SEMA5A: variants seen among roughly 807,000 people sequenced by gnomAD.
SEMA5A encodes semaphorin 5A, also known as semaphorin-5A.
In SEMA5A, 55 loss-of-function variants were observed where a neutral mutation model predicts 135.5. That is an observed-to-expected ratio of 0.41 (90% CI 0.33 to 0.51). SEMA5A has a LOEUF of 0.51. Ranked by LOEUF, SEMA5A falls within the 20% of genes least tolerant of loss-of-function variation. The probability of loss-of-function intolerance (pLI) is 0.37; values close to 1 mark genes in which losing one functional copy is unlikely to be tolerated. For synonymous variants in SEMA5A, 580 were observed against 546.5 expected (o/e 1.06, Z -0.85); for missense variants, 1,290 against 1,419.9 (o/e 0.91, Z 1.47).
At chr5:9,401,444 G>A (rs570547412) in intron 2 of SEMA5A, among the ~76,000 whole-genome samples, 1 of 152,216 alleles carries the variant, frequency 6.6e-6, no homozygotes, top group African/African-American at 2.4e-5. Context: ...GGCCATATGT[G>A]CCACCTCGTA....
chr5:9,076,137 G>A (rs975242779), intron 16 of SEMA5A, among the ~76,000 whole-genome samples: 4 of 150,500 alleles, frequency 2.7e-5, no homozygotes, highest in African/African-American at 9.8e-5. Flanking sequence ...CCCGGGAAGC[G>A]GAGATTGCAG....
intron 12 of SEMA5A, among the ~76,000 whole-genome samples, chr5:9,138,653 A>G (rs1741895337): frequency 1.3e-5 from 2 of 152,068 alleles, no homozygotes; most frequent in Non-Finnish European, 2.9e-5. Context: ...GTTTGGTTAC[A>G]TGAGTACTTT....
At chr5:9,440,189 T>C (rs1191705003) in intron 1 of SEMA5A, among the ~76,000 whole-genome samples, 2 of 152,180 alleles carry the variant, frequency 1.3e-5, no homozygotes, top group African/African-American at 4.8e-5. Flanking sequence ...TTCTTGCAGG[T>C]CCAGAAGCAG....
chr5:9,495,331 C>G (rs1190452839), intron 1 of SEMA5A, among the ~76,000 whole-genome samples: 1 of 152,074 alleles, frequency 6.6e-6, no homozygotes, highest in Non-Finnish European at 1.5e-5. Flanking sequence ...TACCGTGAAG[C>G]CCACTCAAGG....
At chr5:9,492,881 G>A (rs1735095777) in intron 1 of SEMA5A, among the ~76,000 whole-genome samples, 1 of 152,162 alleles carries the variant, frequency 6.6e-6, no homozygotes, top group Non-Finnish European at 1.5e-5. Context: ...GGATGAACAG[G>A]AGAGCACAGG....
rs144103750 is a variant in SEMA5A, at chr5:9,500,091, T to G, written c.-175+45493A>C. On this transcript the variant is annotated intron_variant, in intron 1 of 22. Transcript: ENST00000382496. ...CACCCTACAGCGCAACATATGCAAT[T>G]AAGAAGAAATGGCTATGCAACTTTT... Among the ~76,000 whole-genome samples, 63 of 152,350 alleles carry G rather than the reference T, an allele frequency of 4.1e-4. 1 individual carries two copies. In the East Asian group the frequency reaches 0.011, roughly 26 times the overall value.
chr5:9,161,712 A>G (rs906638717), intron 11 of SEMA5A, among the ~76,000 whole-genome samples: 2 of 152,202 alleles, frequency 1.3e-5, no homozygotes, highest in African/African-American at 4.8e-5. Context: ...GCTACACGCA[A>G]ACAAGAGACA....
intron 2 of SEMA5A, among the ~76,000 whole-genome samples, chr5:9,389,062 A>G (rs1756032393): frequency 6.6e-6 from 1 of 152,168 alleles, no homozygotes; most frequent in African/African-American, 2.4e-5. Context: ...AACATCACTG[A>G]TTACTTCCTG....
chr5:9,376,387 T>C (rs1755364514), intron 3 of SEMA5A, among the ~76,000 whole-genome samples: 2 of 152,198 alleles, frequency 1.3e-5, no homozygotes, highest in South Asian at 4.1e-4. Context: ...ACCTCTCCTT[T>C]CATAAGTTTT....
intron 5 of SEMA5A, among the ~76,000 whole-genome samples, chr5:9,279,265 T>C (rs1417185289): frequency 6.6e-6 from 1 of 152,244 alleles, no homozygotes; most frequent in South Asian, 2.1e-4. Context: ...TGCTGGGTTT[T>C]GGACTTGCAT....
intron 8 of SEMA5A, among the ~76,000 whole-genome samples, chr5:9,209,748 A>T (rs1219448388): frequency 6.6e-6 from 1 of 152,246 alleles, no homozygotes; most frequent in African/African-American, 2.4e-5. Context: ...TGTGGCAGTG[A>T]GTGAACAAAT....
At position 9,441,462 on chromosome 5, in the gene SEMA5A, G is replaced by T. The variant is rs544762640; in HGVS notation, c.-174-3610C>A. Among the ~76,000 whole-genome samples the T allele has an allele frequency of 6.6e-5, 10 of 152,258 alleles. No individual in the cohort carries two copies. In the South Asian group the frequency reaches 2.1e-3, roughly 32 times the overall value. ...TACGCCAGCACCATGGTGAGTTAAA[G>T]CATGAGTTCCTGGTACCATCCCTGG... On this transcript the variant is annotated intron_variant, in intron 1 of 22. Coordinates refer to ENST00000382496, the MANE Select transcript of SEMA5A (RefSeq NM_003966.3).
chr5:9,040,949 C>T lies in SEMA5A; in HGVS notation c.*1948G>A, dbSNP rs1007051661. The T allele has an allele frequency of 7.2e-5, 11 of 152,078 alleles. No individual in the cohort carries two copies. The highest frequency in any genetic ancestry group is 1.4e-4 in the African/African-American group (6 of 41,408). The allele number at this position is 152,078 out of a possible 1,614,324, so 9.4% of individuals were successfully genotyped here. ...AAATATCTGATGATGAAAATCCAGCCGAGGAACAATTGGAGAACCATCCGG... is the reference window on the plus strand; with the variant it reads ...AAATATCTGATGATGAAAATCCAGCTGAGGAACAATTGGAGAACCATCCGG... On this transcript the variant is annotated 3_prime_UTR_variant, in exon 23 of 23. Coordinates refer to ENST00000382496, the MANE Select transcript of SEMA5A (RefSeq NM_003966.3).
At chr5:9,238,785 A>T (rs1748049296) in intron 5 of SEMA5A, among the ~76,000 whole-genome samples, 1 of 151,984 alleles carries the variant, frequency 6.6e-6, no homozygotes. Context: ...ACCTGTTATC[A>T]GAATTATTAT....
At chr5:9,207,686 T>G (rs1317022997) in intron 8 of SEMA5A, among the ~76,000 whole-genome samples, 3 of 152,204 alleles carry the variant, frequency 2.0e-5, no homozygotes, top group Admixed American at 2.0e-4. Context: ...TCACAGTTTA[T>G]GTAGATAAAA....
chr5:9,038,116 G>A lies in SEMA5A; in HGVS notation c.*4781C>T, dbSNP rs1417103508. On this transcript the variant is annotated 3_prime_UTR_variant, in exon 23 of 23. Transcript: ENST00000382496. ...TTCCCCAAGTGCATCAGGAAGTGAT[G>A]AAGAAGTTAGGATGAACAAATGGGC... is the stretch of plus-strand genomic sequence containing the variant. 1 of 152,238 alleles carries A rather than the reference G, an allele frequency of 6.6e-6. No individual in the cohort carries two copies. The allele number at this position is 152,238 out of a possible 1,614,324, so 9.4% of individuals were successfully genotyped here. A position where few individuals can be genotyped will look rare whatever the true frequency, so the allele number is the denominator to read the frequency against.
At chr5:9,187,679 C>T (rs1744882474) in intron 11 of SEMA5A, among the ~76,000 whole-genome samples, 2 of 152,182 alleles carry the variant, frequency 1.3e-5, no homozygotes, top group South Asian at 4.1e-4. Context: ...ACATGTACAA[C>T]ACAATTGAAT....
chr5:9,363,797 G>T (rs1305274113), intron 3 of SEMA5A, among the ~76,000 whole-genome samples: 1 of 152,198 alleles, frequency 6.6e-6, no homozygotes, highest in African/African-American at 2.4e-5. Context: ...AAGAGACTCA[G>T]AGCTGCCAAG....
intron 11 of SEMA5A, among the ~76,000 whole-genome samples, chr5:9,180,056 G>T (rs1744416310): frequency 6.6e-6 from 1 of 152,112 alleles, no homozygotes; most frequent in African/African-American, 2.4e-5. Flanking sequence ...TTGCATTTGT[G>T]CACTCCAATC....
Sources: gnomAD v4.1 joint callset for allele counts (sites outside exome capture counted in the v4.1 genomes callset) on GRCh38, gnomAD v4.1.1 for gene constraint, MANE v1.5 for transcripts, NCBI Gene and HGNC (gene_info 2026-07-23, HGNC 2026-07-21) for gene names.